Variants in TMC3 observed in about 807,000 individuals in gnomAD.
TMC3 encodes transmembrane channel-like protein 3.
In TMC3, 98 loss-of-function variants were observed where a neutral mutation model predicts 110.6. The observed-to-expected ratio is 0.89, with a 90% CI of 0.75 to 1.05. The LOEUF (loss-of-function observed/expected upper bound fraction) is 1.05, where lower values mean the gene tolerates loss of function less well. TMC3 is among the 50% of genes least tolerant of loss of function. TMC3 has a pLI of 0.00. For missense variants in TMC3, 1,319 were observed against 1,373.2 expected (o/e 0.96, Z 0.62); for synonymous variants, 489 against 513.1 (o/e 0.95, Z 0.63).
At position 81,344,757 on chromosome 15, in the gene TMC3, G is replaced by T. The variant is rs770558376; in HGVS notation, c.1518+9C>A. ...TATGACAGAGCTTTGTAAGGGTAAA[G>T]AGAACCACCTGACCAACGTATGTCT... On this transcript the variant is annotated intron_variant, in intron 13 of 21. Coordinates refer to ENST00000359440, the MANE Select transcript of TMC3 (RefSeq NM_001080532.3). The T allele has an allele frequency of 5.0e-6, 8 of 1,613,208 alleles. No individual in the cohort carries two copies. In the African/African-American group the frequency reaches 9.3e-5, roughly 19 times the overall value.
At chr15:81,362,082 A>G (rs1269869519) in intron 4 of TMC3, 138 bp downstream of exon 4, 1 of 665,426 alleles carries the variant, frequency 1.5e-6, no homozygotes, top group Non-Finnish European at 2.6e-6. Context: ...CTGTTGTTCC[A>G]TATGGAGGCC....
intron 2 of TMC3, among the ~76,000 whole-genome samples, chr15:81,369,616 T>TACAGAGTTGCCTAAA (rs1485096104): frequency 4.6e-5 from 7 of 152,256 alleles, no homozygotes; most frequent in Admixed American, 4.6e-4. Flanking sequence ...CATAGTGGAA[T>TACAGAGTTGCCTAAA]ACAGAGTTGC....
intron 13 of TMC3, among the ~76,000 whole-genome samples, chr15:81,344,358 T>C (rs74028626): frequency 0.011 from 1,691 of 152,322 alleles, 37 homozygotes; most frequent in African/African-American, 0.038. Flanking sequence ...AGTGACCCAT[T>C]TCCATGGGAT....
At chr15:81,372,434 G>A (rs1001114826) in intron 2 of TMC3, among the ~76,000 whole-genome samples, 157 bp downstream of exon 2, 1 of 148,298 alleles carries the variant, frequency 6.7e-6, no homozygotes, top group African/African-American at 2.5e-5. Context: ...GGACCAGCTA[G>A]ACCTCTCAGA....
intron 20 of TMC3, chr15:81,335,699 C>T (rs1434337158): frequency 2.0e-5 from 3 of 152,394 alleles, no homozygotes; most frequent in Non-Finnish European, 4.4e-5. Context: ...TTCTGGGTCC[C>T]ATTCTCATTC....
chr15:81,341,373 A>T lies in TMC3; in HGVS notation c.1844+17T>A, dbSNP rs1893710067. 1.2e-6 allele frequency: 2 copies of T among 1,603,558 alleles called. No individual in the cohort carries two copies. Among genetic ancestry groups the T allele is most frequent in the South Asian group, 1.1e-5 (1 of 89,210 alleles). On this transcript the variant is annotated intron_variant, in intron 16 of 21. Coordinates refer to ENST00000359440, the MANE Select transcript of TMC3 (RefSeq NM_001080532.3). ...TATATATAGTTATCTGCATGATCAG[A>T]TCTTATTCTTACTCACCTTGAGGCT...
Position 81,332,673 on chromosome 15 carries a change from G to A in TMC3, c.3049C>T (p.Arg1017Trp), listed in dbSNP as rs780717046. Residue 1017 changes from arginine to tryptophan, a missense_variant, in exon 22 of 22, where the codon CGG becomes TGG. Physicochemically the swap from Arg to Trp is moderately radical, Grantham distance 101. Transcript: ENST00000359440. ...GGGGGCTGTGGGTATTGGAAATTCC[G>A]GGATCGTGGCTTTCTGGGCACATAG... The part of the protein sequence containing the change: ...PAYVPRKPRS[R>W]NFQYPQPPLK... 9 of 1,614,002 alleles carry A rather than the reference G, an allele frequency of 5.6e-6. No homozygotes were observed. The highest frequency in any genetic ancestry group is 7.6e-6 in the Non-Finnish European group (9 of 1,179,894).
intron 11 of TMC3, among the ~76,000 whole-genome samples, chr15:81,348,966 C>T (rs1039278127): frequency 2.9e-4 from 44 of 152,324 alleles, no homozygotes; most frequent in African/African-American, 1.1e-3. Context: ...GCATGCGCCA[C>T]CACGCCCAGC....
chr15:81,344,094 G>A lies in TMC3; in HGVS notation c.1519-49C>T, dbSNP rs148252689. 6.4e-4 allele frequency: 1,006 copies of A among 1,578,404 alleles called. 5 individuals are homozygous for A. The African/African-American group carries it at 8.9e-3, about 14-fold the overall frequency. On this transcript the variant is annotated intron_variant, in intron 13 of 21. Transcript: ENST00000359440. ...TGCCACCATGCCCCACCCTTCCCAC[G>A]GTCACTCTTCCTTCAGGGTGCTCCT...
At chr15:81,351,350 T>TC (rs1567065505) in intron 10 of TMC3, among the ~76,000 whole-genome samples, 1 of 131,194 alleles carries the variant, frequency 7.6e-6, no homozygotes, top group East Asian at 2.0e-4. Flanking sequence ...CTCTCTCTCT[T>TC]TTTTTTTTTT....
chr15:81,349,421 G>A, intron 11 of TMC3, 37 bp downstream of exon 11: 1 of 1,354,606 alleles, frequency 7.4e-7, no homozygotes, highest in African/African-American at 1.5e-5. Flanking sequence ...GCACATGGGT[G>A]AGCCACAGGT....
In TMC3 at chr15:81,349,473, C is replaced by T. The variant is rs143697026; in HGVS notation, c.1178G>A (p.Arg393His). 4.4e-5 allele frequency: 67 copies of T among 1,527,490 alleles called. 1 individual carries two copies. Among genetic ancestry groups the T allele is most frequent in the African/African-American group, 3.7e-4 (26 of 71,072 alleles). The allele number at this position is 1,527,490 out of a possible 1,614,324, so 94.6% of individuals were successfully genotyped here. ...ACTGTTGTACCTTGCAAGCTGGAAG[C>T]GCAGCGTGGTCCTGGGGTGGTACAT... is the stretch of plus-strand genomic sequence containing the variant. ...LEMYHPRTTL[R>H]FQLARVLVLY... is the part of the protein sequence containing the mutation. The change falls in exon 11 of 22, where the codon CGC becomes CAC. Residue 393 changes from arginine (R) to histidine (H), a missense_variant. By Grantham distance (29) the Arg-to-His change is conservative. Coordinates refer to ENST00000359440, the MANE Select transcript of TMC3 (RefSeq NM_001080532.3).
chr15:81,351,735 C>T lies in TMC3; in HGVS notation c.1042G>A (p.Glu348Lys), dbSNP rs778676392. The T allele has an allele frequency of 3.4e-5, 53 of 1,575,622 alleles. No individual in the cohort carries two copies. The highest frequency in any genetic ancestry group is 3.7e-5 in the Non-Finnish European group (43 of 1,160,834). ...YFVVDRSQKLEQSKKELTLWE... is the reference protein window; with the variant it reads ...YFVVDRSQKLKQSKKELTLWE... ...AGTGTCAGCTCCTTCTTCGACTGCT[C>T]CAGCTTCTGGGACCGGTCCACCACA... The change falls in exon 10 of 22, where the codon GAG (glutamate) becomes AAG (lysine). Residue 348 changes from glutamate (E) to lysine (K), a missense_variant. Transcript: ENST00000359440.
chr15:81,343,683 G>A (rs894402827), intron 14 of TMC3, among the ~76,000 whole-genome samples: 4 of 151,796 alleles, frequency 2.6e-5, no homozygotes, highest in East Asian at 1.9e-4. Context: ...CCAGCTACTC[G>A]GGAGGCTGAG....
chr15:81,350,428 G>A (rs1348320478), intron 10 of TMC3, among the ~76,000 whole-genome samples: 1 of 137,076 alleles, frequency 7.3e-6, no homozygotes, highest in African/African-American at 3.5e-5. Context: ...ATTAGGCCTG[G>A]CTTTTGTACT....
chr15:81,356,486 A>C lies in TMC3; in HGVS notation c.852T>G (p.Ala284=). 1.3e-6 allele frequency: 2 copies of C among 1,568,960 alleles called. No individual in the cohort carries two copies. The highest frequency in any genetic ancestry group is 2.3e-5 in the South Asian group (2 of 85,156). ...AWDYLIGNPE[A]AESKTAAIVN... The stretch of plus-strand genomic sequence containing the variant: ...CTATGGCAGCTGTTTTGCTCTCTGC[A>C]GCCTCTGGGTTTCCAATGAGGTAAT... The change falls in exon 8 of 22, where the codon GCT becomes GCG. Residue 284 remains alanine, a synonymous_variant. Transcript: ENST00000359440.
intron 2 of TMC3, among the ~76,000 whole-genome samples, chr15:81,371,320 G>A (rs1894430054): frequency 6.6e-6 from 1 of 152,228 alleles, no homozygotes; most frequent in Admixed American, 6.5e-5. Flanking sequence ...TGCAGAAGAG[G>A]CTGGTCAGAC....
chr15:81,357,978 C>T (rs1202372327), intron 7 of TMC3, among the ~76,000 whole-genome samples, 171 bp downstream of exon 7: 1 of 152,156 alleles, frequency 6.6e-6, no homozygotes, highest in African/African-American at 2.4e-5. Flanking sequence ...CTTAACTTTA[C>T]AGGGCTATTG....
intron 3 of TMC3, 73 bp downstream of exon 3, chr15:81,368,180 C>T (rs1894357403): frequency 9.4e-7 from 1 of 1,069,412 alleles, no homozygotes; most frequent in Non-Finnish European, 1.4e-6. Context: ...TGATCCACCT[C>T]CCTTGGCCTC....
Sources: allele counts gnomAD v4.1 joint callset (sites outside exome capture counted in the v4.1 genomes callset), GRCh38; gene constraint gnomAD v4.1.1; transcripts MANE v1.5; gene names NCBI Gene and HGNC (gene_info 2026-07-23, HGNC 2026-07-21).